Variants in POLG observed in about 807,000 individuals in gnomAD.
POLG encodes the protein DNA polymerase subunit gamma-1.
A neutral mutation model predicts 155.4 loss-of-function variants in POLG; 110 were observed. That is an observed-to-expected ratio of 0.71 (90% CI 0.61 to 0.83). The LOEUF is 0.83. Ranked by LOEUF, POLG falls within the 40% of genes least tolerant of loss-of-function variation. The pLI is 0.00. For synonymous variants in POLG, 701 were observed against 631.5 expected (o/e 1.11, Z -1.65); for missense variants, 1,685 against 1,627.5 (o/e 1.04, Z -0.61).
At position 89,327,188 on chromosome 15, in the gene POLG, C is replaced by T. The variant is rs2055533783; in HGVS notation, c.1412G>A (p.Cys471Tyr). 2 of 1,614,252 alleles carry T rather than the reference C, an allele frequency of 1.2e-6. No homozygotes were observed. Among genetic ancestry groups the T allele is most frequent in the East Asian group, 2.2e-5 (1 of 44,880 alleles). Residue 471 changes from cysteine to tyrosine, a missense_variant, in exon 7 of 23, where the codon TGC becomes TAC. Physicochemically the swap from Cys to Tyr is radical, Grantham distance 194. Transcript: ENST00000268124. Reference sequence around the variant, plus strand: ...CTACCTCTCTCCTGAGAGCAGCTGGCAGGCATCATTGGCCAGATCCATCAA... The same window carrying T: ...CTACCTCTCTCCTGAGAGCAGCTGGTAGGCATCATTGGCCAGATCCATCAA... ...KSLMDLANDA[C>Y]QLLSGERYKE...
At position 89,319,485 on chromosome 15, in the gene POLG, T is replaced by G. The variant is rs577604211; in HGVS notation, c.2982-135A>C. 13 of 1,241,530 alleles carry G rather than the reference T, an allele frequency of 1.0e-5. No homozygotes were observed. The African/African-American group carries it at 1.8e-4, about 17-fold the overall frequency. The allele number at this position is 1,241,530 out of a possible 1,614,324, so 76.9% of individuals were successfully genotyped here. A position where few individuals can be genotyped will look rare whatever the true frequency, so the allele number is the denominator to read the frequency against. On this transcript the variant is annotated intron_variant, in intron 18 of 22. Transcript: ENST00000268124. ...ATGCCAGTCCCCTAAAGGCTTTTAT[T>G]CAGAGGAAGAAACGGCTCAGAGAGG...
intron 13 of POLG, among the ~76,000 whole-genome samples, 171 bp downstream of exon 13, chr15:89,323,233 T>C (rs550197860): frequency 3.3e-5 from 5 of 152,306 alleles, no homozygotes; most frequent in Admixed American, 6.5e-5. Context: ...CCGACTTTCA[T>C]TAGAAAAACA....
chr15:89,328,621 C>A, intron 5 of POLG, 64 bp downstream of exon 5: 1 of 1,604,938 alleles, frequency 6.2e-7, no homozygotes. Context: ...GCAGCTGCAT[C>A]TCCCCAAGTG....
chr15:89,326,879 T>A (rs1411514606), intron 8 of POLG, 33 bp downstream of exon 8: 1 of 1,609,214 alleles, frequency 6.2e-7, no homozygotes, highest in Non-Finnish European at 8.5e-7. Context: ...AGACAACCCC[T>A]ACCCTACCCT....
At chr15:89,329,187 T>TCCACACCACCAA in intron 3 of POLG, 77 bp from the exon 4 acceptor site, 1 of 1,296,588 alleles carries the variant, frequency 7.7e-7, no homozygotes, top group Non-Finnish European at 1.1e-6. Flanking sequence ...TGCTTGGTGG[T>TCCACACCACCAA]GTGGACCTCC....
At chr15:89,317,992 C>A in intron 21 of POLG, 1 of 308,246 alleles carries the variant, frequency 3.2e-6, no homozygotes, top group Non-Finnish European at 6.3e-6. Context: ...GGCAGATCAA[C>A]ATGGAACGGT....
rs1411219168 is a variant in POLG at position 89,326,652 on chromosome 15, G to C, written c.1672C>G (p.Leu558Val). ...AGGTGCTGGGGCCGCTTGGGCAGGA[G>C]CTCTGTGGTCCCCTTCAGCTTCTGC... ...CLQKLKGTTE[L>V]LPKRPQHLPG... Residue 558 changes from leucine (L) to valine (V), a missense_variant, in exon 9 of 23, where the codon CTC becomes GTC. By Grantham distance (32) the Leu-to-Val change is conservative (BLOSUM62 1). Transcript: ENST00000268124. 10 of 1,613,992 alleles carry C rather than the reference G, an allele frequency of 6.2e-6. No individual in the cohort carries two copies. In the Admixed American group the frequency reaches 6.7e-5, roughly 11 times the overall value.
rs139199355 is a variant in POLG, at chr15:89,330,465, G to A, written c.660-189C>T. ...TGGCAGGGTGGGTGTGTGTGCTGGC[G>A]GGCAAGAGCTACAAAAGCTTCTTTA... On this transcript the variant is annotated intron_variant, in intron 2 of 22. Coordinates refer to ENST00000268124, the MANE Select transcript of POLG (RefSeq NM_002693.3). Among the ~76,000 whole-genome samples, 259 of 152,286 alleles carry A rather than the reference G, an allele frequency of 1.7e-3. 1 individual carries two copies. The highest frequency in any genetic ancestry group is 5.9e-3 in the African/African-American group (247 of 41,540).
chr15:89,327,241 CTCA>C lies in POLG; in HGVS notation c.1356_1358del (p.Tyr452_Glu453delinsTer). 1 of 1,614,210 alleles carries C rather than the reference CTCA, an allele frequency of 6.2e-7. No homozygotes were observed. Among genetic ancestry groups the C allele is most frequent in the Non-Finnish European group, 8.5e-7 (1 of 1,180,030 alleles). ...ACTTCTTCATCTCCCGCTGGAGCTC[CTCA>C]TAAGTGCCCTGTGCCTCTGCCAGGT... On this transcript the variant is annotated stop_gained and inframe_deletion, in exon 7 of 23. Coordinates refer to ENST00000268124, the MANE Select transcript of POLG (RefSeq NM_002693.3). LOFTEE classifies it high-confidence loss of function.
intron 1 of POLG, chr15:89,334,154 TCTG>T: frequency 3.1e-6 from 1 of 325,780 alleles, no homozygotes; most frequent in South Asian, 2.8e-5. Context: ...GAGAGCAGTA[TCTG>T]GAGTAGGGCG....
intron 2 of POLG, chr15:89,332,300 A>G (rs920674139): frequency 5.9e-5 from 9 of 152,248 alleles, no homozygotes; most frequent in African/African-American, 1.9e-4. Context: ...GTAGCTTCCA[A>G]TAGGAATAAA....
Position 89,317,731 on chromosome 15 carries a change from ACTGAAATG to A in POLG, c.3483-203_3483-196del, listed in dbSNP as rs943429459. The A allele has an allele frequency of 8.1e-6, 5 of 619,032 alleles. No homozygotes were observed. In the Admixed American group the frequency reaches 1.1e-4, roughly 14 times the overall value. The allele number at this position is 619,032 out of a possible 1,614,324, so 38.3% of individuals were successfully genotyped here. On this transcript the variant is annotated intron_variant, in intron 21 of 22. Coordinates refer to ENST00000268124, the MANE Select transcript of POLG (RefSeq NM_002693.3). ...CAGCAGCCTAACCTCCCACTGAGAT[ACTGAAATG>A]CAATTATGGACTCAACATACTTTTT...
At position 89,333,545 on chromosome 15, in the gene POLG, C is replaced by G. The variant is rs751225754; in HGVS notation, c.210G>C (p.Arg70=). Residue 70 remains arginine, a synonymous_variant, in exon 2 of 23, where the codon CGG becomes CGC. Coordinates refer to ENST00000268124, the MANE Select transcript of POLG (RefSeq NM_002693.3). Reference sequence around the variant, plus strand: ...GCATCTGGATGTCCAATGGGTTGTGCCGCAGCTGCCCGCCCTCCGAGGATA... The same window carrying G: ...GCATCTGGATGTCCAATGGGTTGTGGCGCAGCTGCCCGCCCTCCGAGGATA... ...QVLSSEGGQL[R]HNPLDIQMLS... 3.1e-6 allele frequency: 5 copies of G among 1,612,524 alleles called. No individual in the cohort carries two copies. The highest frequency in any genetic ancestry group is 2.2e-5 in the East Asian group (1 of 44,872).
chr15:89,317,767 T>TTC, intron 21 of POLG: 1 of 565,622 alleles, frequency 1.8e-6, no homozygotes, highest in East Asian at 3.0e-5. Context: ...TACTTTTTTT[T>TTC]TTTTTCCCAG....
Position 89,319,344 on chromosome 15 carries a change from C to A in POLG, c.2988G>T (p.Arg996=). The A allele has an allele frequency of 6.2e-7, 1 of 1,613,948 alleles. No individual in the cohort carries two copies. The highest frequency in any genetic ancestry group is 1.1e-5 in the South Asian group (1 of 91,078). Reference sequence around the variant, plus strand: ...CCAGCCACTCGCCCTCATCCGACAGCCGATACCTGGGGGCAGTGTTATCAC... The same window carrying A: ...CCAGCCACTCGCCCTCATCCGACAGACGATACCTGGGGGCAGTGTTATCAC... ...YAATKGLRWY[R]LSDEGEWLVR... Residue 996 remains arginine, a synonymous_variant, in exon 19 of 23, where the codon CGG becomes CGT. Coordinates refer to ENST00000268124, the MANE Select transcript of POLG (RefSeq NM_002693.3).
At chr15:89,322,148 A>G in intron 14 of POLG, 133 bp from the exon 15 acceptor site, 1 of 864,964 alleles carries the variant, frequency 1.2e-6, no homozygotes, top group South Asian at 1.4e-5. Flanking sequence ...ACTGGACTCA[A>G]GGTGAGCCCT....
Position 89,321,206 on chromosome 15 carries a change from T to G in POLG, c.2653A>C (p.Thr885Pro), listed in dbSNP as rs1312677626. 1.2e-6 allele frequency: 2 copies of G among 1,614,026 alleles called. No individual in the cohort carries two copies. Among genetic ancestry groups the G allele is most frequent in the East Asian group, 2.2e-5 (1 of 44,894 alleles). The part of the protein sequence containing the change: ...KAMVQAPPGY[T>P]LVGADVDSQE... ...GAGTCCACATCAGCACCCACAAGGG[T>G]GTAGCCAGGTGGGGCCTGCACCATG... Residue 885 changes from threonine (T) to proline (P), a missense_variant, in exon 17 of 23, where the codon ACC (threonine) becomes CCC (proline). Physicochemically the swap from Thr to Pro is conservative, Grantham distance 38 (BLOSUM62 -1). Coordinates refer to ENST00000268124, the MANE Select transcript of POLG (RefSeq NM_002693.3).
At chr15:89,325,299 G>GGTGGGTGTGT in intron 10 of POLG, 151 bp downstream of exon 10, 1 of 527,320 alleles carries the variant, frequency 1.9e-6, no homozygotes, top group Non-Finnish European at 3.2e-6. Flanking sequence ...AGAGAGAGAG[G>GGTGGGTGTGT]GTGTGTGTGT....
At chr15:89,317,807 A>G (rs1240872594) in intron 21 of POLG, 9 of 476,708 alleles carry the variant, frequency 1.9e-5, no homozygotes, top group Non-Finnish European at 3.5e-5. Flanking sequence ...TAATATACGA[A>G]ATCACTTCCA....
Sources: allele counts gnomAD v4.1 joint callset (sites outside exome capture counted in the v4.1 genomes callset), GRCh38; gene constraint gnomAD v4.1.1; transcripts MANE v1.5; gene names NCBI Gene and HGNC (gene_info 2026-07-23, HGNC 2026-07-21).